Variants in FBXO2 observed in about 807,000 individuals in gnomAD.
FBXO2 encodes F-box only protein 2.
In FBXO2, 32 loss-of-function variants were observed where a neutral mutation model predicts 38.6. The observed-to-expected ratio is 0.83, with a 90% CI of 0.62 to 1.11. The LOEUF is 1.11. Among genes scored for constraint, FBXO2 ranks in the 50% most tolerant of loss-of-function variants. The probability of loss-of-function intolerance (pLI) is 0.00; values close to 1 mark genes in which losing one functional copy is unlikely to be tolerated. For synonymous variants in FBXO2, 189 were observed against 182.9 expected, an observed-to-expected ratio of 1.03 and a Z score of -0.27; for missense variants, 450 against 418.3, an observed-to-expected ratio of 1.08 and a Z score of -0.66.
chr1:11,649,049 C>T, intron 5 of FBXO2, 38 bp downstream of exon 5: 5 of 1,560,540 alleles, frequency 3.2e-6, no homozygotes, highest in Non-Finnish European at 3.5e-6. Context: ...CCCTCATGTC[C>T]GTGCCCCACC....
chr1:11,651,733 G>A lies in FBXO2; in HGVS notation c.23-899C>T, dbSNP rs543225211. ...TTTTTTTTTTTTGATATGGAGTCTC[G>A]CTTGCTCTGTCACTGCTCAATCTCA... On this transcript the variant is annotated intron_variant, in intron 1 of 5. Transcript: ENST00000354287. 1.7e-4 allele frequency among the ~76,000 whole-genome samples: 25 copies of A among 150,202 alleles called. 1 individual carries two copies. Among genetic ancestry groups the A allele is most frequent in the South Asian group, 1.0e-3 (5 of 4,766 alleles).
At position 11,648,985 on chromosome 1, in the gene FBXO2, G is replaced by GCCCAC. The variant is rs1557653063; in HGVS notation, c.756+101_756+102insGTGGG. The GCCCAC allele has an allele frequency of 7.1e-7, 1 of 1,404,412 alleles. No homozygotes were observed. Among genetic ancestry groups the GCCCAC allele is most frequent in the African/African-American group, 1.4e-5 (1 of 71,208 alleles). 87.0% of individuals were successfully genotyped at this position (1,404,412 alleles called of 1,614,324 possible). On this transcript the variant is annotated intron_variant, in intron 5 of 5. Transcript: ENST00000354287. The surrounding 1 kb of genome is among the most constrained non-coding windows in gnomAD (Gnocchi z 4.2). ...CCGGTGACTATCTCAGCCCAGCCCA[G>GCCCAC]CCCAGCCCACCCCAGCCCAGGAGCG...
chr1:11,648,570 A>T lies in FBXO2; in HGVS notation c.*124T>A, dbSNP rs1411970772. 5.2e-6 allele frequency: 7 copies of T among 1,345,724 alleles called. No individual in the cohort carries two copies. The highest frequency in any genetic ancestry group is 7.1e-6 in the Non-Finnish European group (7 of 984,596). 83.4% of individuals were successfully genotyped at this position (1,345,724 alleles called of 1,614,324 possible). On this transcript the variant is annotated 3_prime_UTR_variant, in exon 6 of 6. Coordinates refer to ENST00000354287, the MANE Select transcript of FBXO2 (RefSeq NM_012168.6). This position sits in a 1 kb window ranked among gnomAD's most constrained non-coding sequence, Gnocchi z 4.2. ...CTCCCTGCTCAGGGGCTGGGATCGGAGCAAGGGATGGGAGGAGGATGTGTG... is the reference window on the plus strand; with the variant it reads ...CTCCCTGCTCAGGGGCTGGGATCGGTGCAAGGGATGGGAGGAGGATGTGTG...
chr1:11,650,873 C>T (rs762123854), intron 1 of FBXO2, 39 bp from the exon 2 acceptor site: 7 of 1,553,632 alleles, frequency 4.5e-6, no homozygotes, highest in Non-Finnish European at 6.0e-6. Flanking sequence ...GATTCCTCCA[C>T]CCTGTACTCC....
At chr1:11,654,209 C>A (rs1417147723) in intron 1 of FBXO2, 110 bp downstream of exon 1, 6 of 1,230,898 alleles carry the variant, frequency 4.9e-6, no homozygotes, top group Non-Finnish European at 6.6e-6. Flanking sequence ...TGAAAGTTTG[C>A]CGCGCCAGGT....
intron 4 of FBXO2, 27 bp from the exon 5 acceptor site, chr1:11,649,252 G>A (rs1639473362): frequency 1.3e-6 from 2 of 1,484,642 alleles, no homozygotes; most frequent in South Asian, 1.3e-5. Context: ...AGCGAGGTGG[G>A]GGGCGGGAGG....
rs1054795662 is a variant in FBXO2 at position 11,654,343 on chromosome 1, C to A, written c.-3G>T. ...CCTGGGTCACCGTCTCCGTCCATCG[C>A]TGCGGAGGGCGGTCGCGAGAGGAGG... On this transcript the variant is annotated 5_prime_UTR_variant, in exon 1 of 6. Transcript: ENST00000354287. 1.2e-5 allele frequency: 18 copies of A among 1,442,710 alleles called. No homozygotes were observed. In the African/African-American group the frequency reaches 1.6e-4, roughly 13 times the overall value. The allele number at this position is 1,442,710 out of a possible 1,614,324, so 89.4% of individuals were successfully genotyped here. A position where few individuals can be genotyped will look rare whatever the true frequency, so the allele number is the denominator to read the frequency against.
In FBXO2 at chr1:11,649,771, C is replaced by T. The variant is rs1312794444; in HGVS notation, c.617+8G>A. On this transcript the variant is annotated splice_region_variant and intron_variant, in intron 4 of 5. Coordinates refer to ENST00000354287, the MANE Select transcript of FBXO2 (RefSeq NM_012168.6). ...TCCCAGCCCCATGCCACCCCAGGACCCTCTCACCAGTCCTTCACCACGATG... is the reference window on the plus strand; with the variant it reads ...TCCCAGCCCCATGCCACCCCAGGACTCTCTCACCAGTCCTTCACCACGATG... 2 of 1,613,706 alleles carry T rather than the reference C, an allele frequency of 1.2e-6. No individual in the cohort carries two copies. The highest frequency in any genetic ancestry group is 1.7e-5 in the Admixed American group (1 of 60,000).
intron 1 of FBXO2, 119 bp from the exon 2 acceptor site, chr1:11,650,953 C>T (rs1639511274): frequency 5.8e-6 from 8 of 1,372,684 alleles, no homozygotes; most frequent in East Asian, 5.7e-5. Flanking sequence ...CAGCTGGGGC[C>T]GGAGATTCTG....
At chr1:11,649,333 G>A (rs951473715) in intron 4 of FBXO2, 108 bp from the exon 5 acceptor site, 1 of 956,164 alleles carries the variant, frequency 1.0e-6, no homozygotes, top group Admixed American at 2.4e-5. Context: ...AAGTCCTCCT[G>A]TGCGCCCAAC....
In FBXO2 at chr1:11,648,999, A is replaced by ACCCCCCCCCCCCCCC; in HGVS notation, c.756+87_756+88insGGGGGGGGGGGGGGG. The stretch of plus-strand genomic sequence containing the variant: ...AGCCCAGCCCAGCCCAGCCCACCCC[A>ACCCCCCCCCCCCCCC]GCCCAGGAGCGCTGTGGGCGGGGTC... On this transcript the variant is annotated intron_variant, in intron 5 of 5. Coordinates refer to ENST00000354287, the MANE Select transcript of FBXO2 (RefSeq NM_012168.6). The surrounding 1 kb of genome is among the most constrained non-coding windows in gnomAD (Gnocchi z 4.2). The ACCCCCCCCCCCCCCC allele has an allele frequency of 7.6e-7, 1 of 1,317,080 alleles. No individual in the cohort carries two copies. Among genetic ancestry groups the ACCCCCCCCCCCCCCC allele is most frequent in the Non-Finnish European group, 1.0e-6 (1 of 954,242 alleles). The allele number at this position is 1,317,080 out of a possible 1,614,324, so 81.6% of individuals were successfully genotyped here. A position where few individuals can be genotyped will look rare whatever the true frequency, so the allele number is the denominator to read the frequency against.
At chr1:11,651,119 T>G (rs9430197) in intron 1 of FBXO2, among the ~76,000 whole-genome samples, 22,709 of 152,180 alleles carry the variant, frequency 0.15, 5,637 homozygotes, top group African/African-American at 0.52. Flanking sequence ...CATATTATTA[T>G]TATTAATGGC....
Position 11,648,994 on chromosome 1 carries a change from A to AGT in FBXO2, c.756+92_756+93insAC. On this transcript the variant is annotated intron_variant, in intron 5 of 5. Transcript: ENST00000354287. The surrounding 1 kb of genome is among the most constrained non-coding windows in gnomAD (Gnocchi z 4.2). Reference sequence around the variant, plus strand: ...ATCTCAGCCCAGCCCAGCCCAGCCCACCCCAGCCCAGGAGCGCTGTGGGCG... The same window carrying AGT: ...ATCTCAGCCCAGCCCAGCCCAGCCCAGTCCCCAGCCCAGGAGCGCTGTGGGCG... The AGT allele has an allele frequency of 3.8e-6, 5 of 1,325,536 alleles. No individual in the cohort carries two copies. Among genetic ancestry groups the AGT allele is most frequent in the Non-Finnish European group, 4.2e-6 (4 of 963,350 alleles). The allele number at this position is 1,325,536 out of a possible 1,614,324, so 82.1% of individuals were successfully genotyped here. A position where few individuals can be genotyped will look rare whatever the true frequency, so the allele number is the denominator to read the frequency against.
At chr1:11,649,050 G>A (rs1490393679) in intron 5 of FBXO2, 37 bp downstream of exon 5, 7 of 1,524,110 alleles carry the variant, frequency 4.6e-6, no homozygotes, top group African/African-American at 2.7e-5. Flanking sequence ...CCTCATGTCC[G>A]TGCCCCACCC....
chr1:11,650,220 T>C, intron 2 of FBXO2, 146 bp from the exon 3 acceptor site: 3 of 1,377,448 alleles, frequency 2.2e-6, no homozygotes, highest in Non-Finnish European at 2.9e-6. Flanking sequence ...GTGGGCAGTT[T>C]CTAAATCTGC....
At chr1:11,650,398 C>T in intron 2 of FBXO2, 68 bp downstream of exon 2, 1 of 1,545,168 alleles carries the variant, frequency 6.5e-7, no homozygotes, top group Non-Finnish European at 8.7e-7. Context: ...TCCCTCAAAG[C>T]CAGGCGGCGC....
At chr1:11,649,354 G>A in intron 4 of FBXO2, 129 bp from the exon 5 acceptor site, 1 of 734,906 alleles carries the variant, frequency 1.4e-6, no homozygotes. Context: ...ATCCCTGTCA[G>A]CCAGCACTGC....
chr1:11,648,389 C>T lies in FBXO2; in HGVS notation c.*305G>A, dbSNP rs987919765. On this transcript the variant is annotated 3_prime_UTR_variant, in exon 6 of 6. Transcript: ENST00000354287. The surrounding 1 kb of genome is among the most constrained non-coding windows in gnomAD (Gnocchi z 4.2). ...TTATCCATTTTTTCATTCATTCCTT[C>T]CTTGGACAAATAATATTTATTGAGA... 2.4e-5 allele frequency: 9 copies of T among 375,994 alleles called. No individual in the cohort carries two copies. The highest frequency in any genetic ancestry group is 4.4e-5 in the Non-Finnish European group (9 of 205,352). 23.3% of individuals were successfully genotyped at this position (375,994 alleles called of 1,614,324 possible).
At chr1:11,652,195 C>A (rs1356151698) in intron 1 of FBXO2, among the ~76,000 whole-genome samples, 1 of 152,184 alleles carries the variant, frequency 6.6e-6, no homozygotes, top group East Asian at 1.9e-4. Context: ...GAAGGACACA[C>A]TGCCAGTATT....
Sources: allele counts gnomAD v4.1 joint callset (sites outside exome capture counted in the v4.1 genomes callset), GRCh38; gene constraint gnomAD v4.1.1; non-coding constraint Gnocchi (gnomAD v3.1); transcripts MANE v1.5; gene names NCBI Gene and HGNC (gene_info 2026-07-23, HGNC 2026-07-21).